TNFRSF13B: variants seen among roughly 807,000 people sequenced by gnomAD.
TNFRSF13B encodes tumor necrosis factor receptor superfamily member 13B.
TNFRSF13B carries 34 observed loss-of-function variants against 24.0 expected under a neutral mutation model. That is an observed-to-expected ratio of 1.41 (90% CI 1.08 to 1.88). TNFRSF13B has a LOEUF of 1.88. Ranked by LOEUF, TNFRSF13B falls within the 40% of genes most tolerant of loss-of-function variation. The probability of loss-of-function intolerance (pLI) is 0.00; values close to 1 mark genes in which losing one functional copy is unlikely to be tolerated. For missense variants in TNFRSF13B, 415 were observed against 380.8 expected (o/e 1.09, Z -0.75); for synonymous variants, 173 against 150.3 (o/e 1.15, Z -1.10).
In TNFRSF13B at chr17:16,939,711, GC is replaced by G; in HGVS notation, c.717del (p.Thr241ArgfsTer83). The part of the protein sequence containing the change: ...TCSFCFPECR[A>X]PTQESAVTPG... The stretch of plus-strand genomic sequence containing the variant: ...GGCGTGACTGCGCTCTCCTGCGTGG[GC>G]GCCCTGCACTCAGGGAAGCAGAAGC... On this transcript the variant is annotated frameshift_variant, in exon 5 of 5. Transcript: ENST00000261652. LOFTEE classifies it low-confidence loss of function (END_TRUNC). The G allele has an allele frequency of 6.2e-7, 1 of 1,606,680 alleles. No individual in the cohort carries two copies. The highest frequency in any genetic ancestry group is 8.5e-7 in the Non-Finnish European group (1 of 1,174,900).
In TNFRSF13B at chr17:16,939,812, G is replaced by A. The variant is rs1337558522; in HGVS notation, c.632-15C>T. Reference sequence around the variant, plus strand: ...CATCGCGTGATCTGCAGAGGCGAGAGTGGAGGGCGTGGGCCAGGCCTGGCC... The same window carrying A: ...CATCGCGTGATCTGCAGAGGCGAGAATGGAGGGCGTGGGCCAGGCCTGGCC... On this transcript the variant is annotated splice_polypyrimidine_tract_variant and intron_variant, in intron 4 of 4. Coordinates refer to ENST00000261652, the MANE Select transcript of TNFRSF13B (RefSeq NM_012452.3). 3.1e-6 allele frequency: 5 copies of A among 1,609,094 alleles called. No homozygotes were observed. Among genetic ancestry groups the A allele is most frequent in the Non-Finnish European group, 1.7e-6 (2 of 1,178,378 alleles).
intron 3 of TNFRSF13B, among the ~76,000 whole-genome samples, chr17:16,945,549 C>T (rs998585564): frequency 2.6e-5 from 4 of 152,208 alleles, no homozygotes; most frequent in African/African-American, 9.6e-5. Context: ...GAATGACCCA[C>T]GGGGGAATCT....
At position 16,952,590 on chromosome 17, in the gene TNFRSF13B, G is replaced by A; in HGVS notation, c.62-7C>T. ...GTCCACAGGCCCTGTGGAACTGAGA[G>A]ACCAGGAGAGTGAGGGCAGCTGGCA... On this transcript the variant is annotated splice_polypyrimidine_tract_variant and splice_region_variant and intron_variant, in intron 1 of 4. Coordinates refer to ENST00000261652, the MANE Select transcript of TNFRSF13B (RefSeq NM_012452.3). 6.2e-7 allele frequency: 1 copy of A among 1,614,188 alleles called. No individual in the cohort carries two copies. The highest frequency in any genetic ancestry group is 2.2e-5 in the East Asian group (1 of 44,884).
rs144718007 is a variant in TNFRSF13B at position 16,952,447 on chromosome 17, G to T, written c.198C>A (p.Cys66Ter). 1.7e-5 allele frequency: 28 copies of T among 1,614,098 alleles called. No homozygotes were observed. The highest frequency in any genetic ancestry group is 3.3e-4 in the Middle Eastern group (2 of 6,048). ...HQSQRTCAAFCRSLSCRKEQG... is the reference protein window; with the variant it reads ...HQSQRTCAAF Reference sequence around the variant, plus strand: ...CTCGGCTCAGGCCCCAGAACTCACTGCAGAAGGCTGCACAGGTGCGCTGGC... The same window carrying T: ...CTCGGCTCAGGCCCCAGAACTCACTTCAGAAGGCTGCACAGGTGCGCTGGC... The change falls in exon 2 of 5, where the codon TGC becomes TGA. Residue 66 changes from cysteine (C) to a stop codon, truncating the protein, a stop_gained and splice_region_variant. Transcript: ENST00000261652. LOFTEE classifies it high-confidence loss of function.
chr17:16,968,080 G>A (rs1469566116), intron 1 of TNFRSF13B, among the ~76,000 whole-genome samples: 1 of 147,418 alleles, frequency 6.8e-6, no homozygotes, highest in Non-Finnish European at 1.5e-5. Context: ...GGCGGAGCTC[G>A]CAGTGAGCCG....
At chr17:16,956,444 G>A (rs928090650) in intron 1 of TNFRSF13B, among the ~76,000 whole-genome samples, 7 of 152,174 alleles carry the variant, frequency 4.6e-5, no homozygotes, top group African/African-American at 1.7e-4. Flanking sequence ...TCTATATATT[G>A]GGATTACTAG....
chr17:16,939,523 C>G lies in TNFRSF13B; in HGVS notation c.*24G>C. The G allele has an allele frequency of 6.2e-7, 1 of 1,609,692 alleles. No homozygotes were observed. Among genetic ancestry groups the G allele is most frequent in the South Asian group, 1.1e-5 (1 of 90,230 alleles). On this transcript the variant is annotated 3_prime_UTR_variant, in exon 5 of 5. Transcript: ENST00000261652. Reference sequence around the variant, plus strand: ...CCCCTCCTCTCCATCTCTCTCCCTCCTCCTTTCCCTCCCTGACCCCCATTT... The same window carrying G: ...CCCCTCCTCTCCATCTCTCTCCCTCGTCCTTTCCCTCCCTGACCCCCATTT...
Position 16,939,425 on chromosome 17 carries a change from T to C in TNFRSF13B, c.*122A>G. On this transcript the variant is annotated 3_prime_UTR_variant, in exon 5 of 5. Transcript: ENST00000261652. ...TCTCTCCCTCTCTGTCTCCTCTGTT[T>C]CTCTCCCTCTCTGCCTCCTCTGTCT... is the stretch of plus-strand genomic sequence containing the variant. 1 of 1,216,800 alleles carries C rather than the reference T, an allele frequency of 8.2e-7. No homozygotes were observed. The highest frequency in any genetic ancestry group is 1.1e-6 in the Non-Finnish European group (1 of 885,736). The allele number at this position is 1,216,800 out of a possible 1,614,324, so 75.4% of individuals were successfully genotyped here.
intron 3 of TNFRSF13B, chr17:16,941,026 G>T: frequency 1.4e-6 from 1 of 740,048 alleles, no homozygotes; most frequent in Non-Finnish European, 1.7e-6. Context: ...TATAACCTAT[G>T]CACATCCTCC....
intron 1 of TNFRSF13B, among the ~76,000 whole-genome samples, chr17:16,969,551 C>T (rs1350338577): frequency 6.6e-6 from 1 of 152,194 alleles, no homozygotes; most frequent in African/African-American, 2.4e-5. Flanking sequence ...GGAATGAAGA[C>T]TGACAAAGTT....
chr17:16,963,247 T>C (rs1201820314), intron 1 of TNFRSF13B, among the ~76,000 whole-genome samples: 1 of 152,214 alleles, frequency 6.6e-6, no homozygotes, highest in African/African-American at 2.4e-5. Context: ...GCTGCCCTTA[T>C]TAATATTGCC....
Position 16,939,790 on chromosome 17 carries a change from C to A in TNFRSF13B, c.639G>T (p.Ala213=). 6.2e-7 allele frequency: 1 copy of A among 1,611,454 alleles called. No individual in the cohort carries two copies. ...TGCTCACAGGGCTGCCGGCTTCCAT[C>A]GCGTGATCTGCAGAGGCGAGAGTGG... ...QSPAKSSQDH[A]MEAGSPVSTS... The change falls in exon 5 of 5, where the codon GCG becomes GCT. Residue 213 remains alanine, a synonymous_variant. Transcript: ENST00000261652.
chr17:16,944,640 G>A (rs2087534741), intron 3 of TNFRSF13B, among the ~76,000 whole-genome samples: 1 of 152,178 alleles, frequency 6.6e-6, no homozygotes, highest in Admixed American at 6.5e-5. Context: ...CTTGTCCACT[G>A]CCTGGCCTTC....
intron 1 of TNFRSF13B, among the ~76,000 whole-genome samples, chr17:16,956,384 G>A (rs1442105065): frequency 6.6e-6 from 1 of 151,396 alleles, no homozygotes. Context: ...CAGCAGTTTT[G>A]CCACATTTAC....
chr17:16,958,985 G>A (rs748440954), intron 1 of TNFRSF13B, among the ~76,000 whole-genome samples: 9 of 151,884 alleles, frequency 5.9e-5, no homozygotes, highest in Admixed American at 1.3e-4. Context: ...TATAGACAAC[G>A]CTCAATGCAA....
rs535593869 is a variant in TNFRSF13B, at chr17:16,956,210, A to G, written c.62-3627T>C. Among the ~76,000 whole-genome samples, 3 of 152,380 alleles carry G rather than the reference A, an allele frequency of 2.0e-5. No homozygotes were observed. The South Asian group carries it at 6.2e-4, about 32-fold the overall frequency. ...ATACAAATTAAATTTGGAAAAATAC[A>G]TAGCTTAAAACTAAAAGCTTGGAAA... On this transcript the variant is annotated intron_variant, in intron 1 of 4. Transcript: ENST00000261652.
At chr17:16,949,065 TAAA>T (rs67234667) in intron 2 of TNFRSF13B, 82 bp from the exon 3 acceptor site, 1 of 1,319,626 alleles carries the variant, frequency 7.6e-7, no homozygotes, top group Non-Finnish European at 1.0e-6. Context: ...ACATCAAAGT[TAAA>T]AAAAAAAATA....
chr17:16,956,735 A>T (rs1456593813), intron 1 of TNFRSF13B, among the ~76,000 whole-genome samples: 4 of 152,262 alleles, frequency 2.6e-5, no homozygotes, highest in South Asian at 4.1e-4. Context: ...CCTCAAATGC[A>T]TATTACTAAG....
At chr17:16,946,075 G>A (rs756145803) in intron 3 of TNFRSF13B, among the ~76,000 whole-genome samples, 1 of 152,194 alleles carries the variant, frequency 6.6e-6, no homozygotes, top group Non-Finnish European at 1.5e-5. Flanking sequence ...CCCCTGACTC[G>A]GGAGAAAGCA....
Sources: allele counts gnomAD v4.1 joint callset (sites outside exome capture counted in the v4.1 genomes callset), GRCh38; gene constraint gnomAD v4.1.1; transcripts MANE v1.5; gene names NCBI Gene and HGNC (gene_info 2026-07-23, HGNC 2026-07-21).